Variants in CCDC136 observed in about 807,000 individuals in gnomAD.
CCDC136 encodes the protein coiled-coil domain containing 136.
A neutral mutation model predicts 141.2 loss-of-function variants in CCDC136; 100 were observed. That is an observed-to-expected ratio of 0.71 (90% confidence interval 0.60 to 0.84). The LOEUF (loss-of-function observed/expected upper bound fraction) is 0.84. Ranked by LOEUF, CCDC136 falls within the 40% of genes least tolerant of loss-of-function variation. The pLI is 0.00. For missense variants in CCDC136, 1,206 were observed against 1,379.4 expected (o/e 0.87, Z 1.99); for synonymous variants, 474 against 531.9 (o/e 0.89, Z 1.50).
rs1189765011 is a variant in CCDC136, at chr7:128,809,406, C to A, written c.1606-44C>A. On this transcript the variant is annotated intron_variant, in intron 10 of 17. Transcript: ENST00000297788. ...CTCTGTTAGCCACCCAAGAAGCTTACCTTACAGAGTAACCACCCCCTCCAC... is the reference window on the plus strand; with the variant it reads ...CTCTGTTAGCCACCCAAGAAGCTTAACTTACAGAGTAACCACCCCCTCCAC... The A allele has an allele frequency of 2.2e-6, 3 of 1,358,128 alleles. No homozygotes were observed. The Admixed American group carries it at 6.0e-5, about 27-fold the overall frequency. 84.1% of individuals were successfully genotyped at this position (1,358,128 alleles called of 1,614,324 possible). A position where few individuals can be genotyped will look rare whatever the true frequency, so the allele number is the denominator to read the frequency against.
At position 128,809,614 on chromosome 7, in the gene CCDC136, G is replaced by A; in HGVS notation, c.1770G>A (p.Leu590=). ...AGGAAGAGCTGCACAGGCTCACACT[G>A]CCACTGCCAAAGAGTGGCCTCTTAC... is the stretch of plus-strand genomic sequence containing the variant. ...QLQEELHRLT[L]PLPKSGLLLK... is the part of the protein sequence containing the mutation. The change falls in exon 11 of 18, where the codon CTG becomes CTA. Residue 590 remains leucine (L), a synonymous_variant. Transcript: ENST00000297788. 6.4e-7 allele frequency: 1 copy of A among 1,551,622 alleles called. No homozygotes were observed. The highest frequency in any genetic ancestry group is 8.7e-7 in the Non-Finnish European group (1 of 1,148,426).
intron 3 of CCDC136, among the ~76,000 whole-genome samples, chr7:128,796,312 T>C (rs1381672479): frequency 6.6e-6 from 1 of 151,938 alleles, no homozygotes; most frequent in Non-Finnish European, 1.5e-5. Context: ...GGGAGGAGCA[T>C]ACCAGGCAGA....
chr7:128,810,493 C>T, intron 12 of CCDC136, 127 bp downstream of exon 12: 1 of 662,132 alleles, frequency 1.5e-6, no homozygotes, highest in Non-Finnish European at 2.6e-6. Flanking sequence ...AGGCAAAAGC[C>T]CTGCCTTTCA....
chr7:128,792,280 G>GCCCCCCCCCCCCCCCCC lies in CCDC136; in HGVS notation c.-126_-125insCCCCCCCCCCCCCCCCC. On this transcript the variant is annotated 5_prime_UTR_variant, in exon 1 of 18. The change abolishes the stop of an existing upstream ORF in the 5' untranslated region. Coordinates refer to ENST00000297788, the MANE Select transcript of CCDC136 (RefSeq NM_022742.5). ...TCCTCTGCACCCCAGCCCGCAGCCAGCCCCCCACCCCCCAGCCCCTCCTTT... is the reference window on the plus strand; with the variant it reads ...TCCTCTGCACCCCAGCCCGCAGCCAGCCCCCCCCCCCCCCCCCCCCCCCACCCCCCAGCCCCTCCTTT... 43 of 1,334,668 alleles carry GCCCCCCCCCCCCCCCCC rather than the reference G, an allele frequency of 3.2e-5. No homozygotes were observed. Among genetic ancestry groups the GCCCCCCCCCCCCCCCCC allele is most frequent in the East Asian group, 1.8e-4 (5 of 28,078 alleles). 82.7% of individuals were successfully genotyped at this position (1,334,668 alleles called of 1,614,324 possible).
intron 3 of CCDC136, among the ~76,000 whole-genome samples, chr7:128,800,477 C>T (rs1229254963): frequency 3.1e-4 from 45 of 144,376 alleles, no homozygotes; most frequent in Admixed American, 1.5e-3. Flanking sequence ...TTTTTTTTAG[C>T]GAAGACTGGG....
chr7:128,808,800 T>G (rs1189275300), intron 10 of CCDC136: 1 of 985,148 alleles, frequency 1.0e-6, no homozygotes, highest in Non-Finnish European at 1.2e-6. Context: ...CTTCCCCTAA[T>G]GGGAAAAATG....
intron 10 of CCDC136, 180 bp from the exon 11 acceptor site, chr7:128,809,270 G>T: frequency 1.8e-6 from 1 of 565,838 alleles, no homozygotes; most frequent in Non-Finnish European, 3.2e-6. Context: ...GCAGCCTGCA[G>T]GGGATCCCCA....
Position 128,809,432 on chromosome 7 carries a change from A to ACCCCCC in CCDC136, c.1606-15_1606-14insCCCCCC. ...CTTACAGAGTAACCACCCCCTCCAC[A>ACCCCCC]CCCGCCCCCACCCACAGTGTGACAC... On this transcript the variant is annotated splice_polypyrimidine_tract_variant and intron_variant, in intron 10 of 17. Transcript: ENST00000297788. The ACCCCCC allele has an allele frequency of 1.7e-4, 217 of 1,252,704 alleles. No homozygotes were observed. Among genetic ancestry groups the ACCCCCC allele is most frequent in the Middle Eastern group, 2.8e-4 (1 of 3,600 alleles). The allele number at this position is 1,252,704 out of a possible 1,614,324, so 77.6% of individuals were successfully genotyped here. A position where few individuals can be genotyped will look rare whatever the true frequency, so the allele number is the denominator to read the frequency against.
chr7:128,792,101 G>C lies in CCDC136; in HGVS notation c.-311G>C. ...CCTCTTTCTTTCTGTGCAAGCAAGA[G>C]GGTCCTGGAACAGCGGGTTCTGAGG... On this transcript the variant is annotated 5_prime_UTR_variant, in exon 1 of 18. Coordinates refer to ENST00000297788, the MANE Select transcript of CCDC136 (RefSeq NM_022742.5). 1.4e-6 allele frequency: 2 copies of C among 1,380,300 alleles called. No homozygotes were observed. Among genetic ancestry groups the C allele is most frequent in the Non-Finnish European group, 1.9e-6 (2 of 1,070,554 alleles). The allele number at this position is 1,380,300 out of a possible 1,614,324, so 85.5% of individuals were successfully genotyped here. A position where few individuals can be genotyped will look rare whatever the true frequency, so the allele number is the denominator to read the frequency against.
upstream of CCDC136, chr7:128,791,454 C>G (rs1802147483): frequency 5.4e-6 from 7 of 1,305,278 alleles, no homozygotes; most frequent in East Asian, 3.1e-5. The surrounding 1 kb of genome is among the most constrained non-coding windows in gnomAD (Gnocchi z 7.1). Context: ...GCGGCTGCGG[C>G]TTCTGCTCAG....
intron 3 of CCDC136, among the ~76,000 whole-genome samples, chr7:128,798,725 C>CA (rs2128899916): frequency 6.6e-6 from 1 of 152,276 alleles, no homozygotes; most frequent in East Asian, 1.9e-4. Context: ...AGACAGACCT[C>CA]ACTGTGCTGC....
intron 4 of CCDC136, among the ~76,000 whole-genome samples, chr7:128,803,668 A>T (rs2128907317): frequency 6.6e-6 from 1 of 152,220 alleles, no homozygotes; most frequent in Non-Finnish European, 1.5e-5. Flanking sequence ...AACAAAACCA[A>T]AAAGGAAAAA....
Position 128,792,262 on chromosome 7 carries a change from C to A in CCDC136, c.-150C>A. On this transcript the variant is annotated 5_prime_UTR_variant, in exon 1 of 18. The change creates a premature stop within an existing upstream ORF in the 5' untranslated region. Coordinates refer to ENST00000297788, the MANE Select transcript of CCDC136 (RefSeq NM_022742.5). ...AAGACATGTCCCCTTCTTTCCTCTG[C>A]ACCCCAGCCCGCAGCCAGCCCCCCA... The A allele has an allele frequency of 6.5e-7, 1 of 1,537,510 alleles. No individual in the cohort carries two copies. Among genetic ancestry groups the A allele is most frequent in the South Asian group, 1.2e-5 (1 of 83,034 alleles).
Position 128,806,760 on chromosome 7 carries a change from G to A in CCDC136, c.1321G>A (p.Glu441Lys). The A allele has an allele frequency of 1.9e-6, 3 of 1,611,672 alleles. No individual in the cohort carries two copies. The highest frequency in any genetic ancestry group is 1.7e-6 in the Non-Finnish European group (2 of 1,179,432). Residue 441 changes from glutamate (E) to lysine (K), a missense_variant, in exon 9 of 18, where the codon GAA becomes AAA. Transcript: ENST00000297788. Reference protein sequence around the residue: ...NVTCEKEKLLERQQQLQEELQ... With the variant: ...NVTCEKEKLLKRQQQLQEELQ... Reference sequence around the variant, plus strand: ...CACATGTGAGAAGGAAAAGCTGCTGGAACGGCAGCAGCAGCTGCAGGAGGA... The same window carrying A: ...CACATGTGAGAAGGAAAAGCTGCTGAAACGGCAGCAGCAGCTGCAGGAGGA...
rs757044539 is a variant in CCDC136, at chr7:128,794,428, C to G, written c.97C>G (p.Gln33Glu). 5.5e-5 allele frequency: 85 copies of G among 1,553,294 alleles called. No individual in the cohort carries two copies. Among genetic ancestry groups the G allele is most frequent in the African/African-American group, 1.1e-4 (8 of 73,040 alleles). ...AGAAGAGGTGGAAGAAGAAGAAGAA[C>G]AAGTGCAGAAAGGTGGCAGTGTTGG... Reference protein sequence around the residue: ...EEEEVEEEEEQVQKGGSVGSL... With the variant: ...EEEEVEEEEEEVQKGGSVGSL... Residue 33 changes from glutamine to glutamate, a missense_variant, in exon 2 of 18, where the codon CAA becomes GAA. Transcript: ENST00000297788. This position sits in a 1 kb window ranked among gnomAD's most constrained non-coding sequence, Gnocchi z 4.3.
At chr7:128,812,620 T>G in intron 13 of CCDC136, 88 bp from the exon 14 acceptor site, 1 of 1,020,526 alleles carries the variant, frequency 9.8e-7, no homozygotes. Flanking sequence ...TGGTGGCCAT[T>G]GTTTGGTATC....
intron 4 of CCDC136, among the ~76,000 whole-genome samples, chr7:128,802,829 G>A (rs745748494): frequency 2.0e-5 from 3 of 152,066 alleles, no homozygotes; most frequent in Non-Finnish European, 4.4e-5. Flanking sequence ...AAAATTCAAA[G>A]TTTATTTAAA....
In CCDC136 at chr7:128,805,206, AG is replaced by A. The variant is rs143410516; in HGVS notation, c.783-152del. 0.014 allele frequency among the ~76,000 whole-genome samples: 2,148 copies of A among 152,256 alleles called. 33 individuals are homozygous for A. Among genetic ancestry groups the A allele is most frequent in the South Asian group, 0.046 (224 of 4,820 alleles). On this transcript the variant is annotated intron_variant, in intron 5 of 17. Coordinates refer to ENST00000297788, the MANE Select transcript of CCDC136 (RefSeq NM_022742.5). The surrounding 1 kb of genome is among the most constrained non-coding windows in gnomAD (Gnocchi z 4.6). ...GATTGAGGGGCTGGAGACTTTCTGTAGTCTTTTAAGCATGTTTATCTGAGCG... is the reference window on the plus strand; with the variant it reads ...GATTGAGGGGCTGGAGACTTTCTGTATCTTTTAAGCATGTTTATCTGAGCG...
At chr7:128,806,967 AG>A in intron 9 of CCDC136, 109 bp downstream of exon 9, 1 of 1,160,418 alleles carries the variant, frequency 8.6e-7, no homozygotes, top group African/African-American at 1.6e-5. Flanking sequence ...GCTGGCAGTG[AG>A]GGGGCCAAAG....
Sources: gnomAD v4.1 joint callset for allele counts (sites outside exome capture counted in the v4.1 genomes callset) on GRCh38, gnomAD v4.1.1 for gene constraint, Gnocchi (gnomAD v3.1) non-coding constraint, MANE v1.5 for transcripts, NCBI Gene and HGNC (gene_info 2026-07-23, HGNC 2026-07-21) for gene names.